The following BPTF variants were observed in gnomAD, a reference collection of about 807,000 sequenced individuals.
BPTF encodes nucleosome-remodeling factor subunit BPTF.
BPTF carries 18 observed loss-of-function variants against 292.5 expected under a neutral mutation model. That is an observed-to-expected ratio of 0.06 (90% CI 0.04 to 0.09). BPTF has a LOEUF of 0.09. Among genes scored for constraint, BPTF ranks in the 10% least tolerant of loss-of-function variants. BPTF has a pLI of 1.00. For missense variants in BPTF, 2,726 were observed against 3,498.7 expected (o/e 0.78, Z 5.57); for synonymous variants, 1,225 against 1,251.9 (o/e 0.98, Z 0.45).
intron 23 of BPTF, among the ~76,000 whole-genome samples, chr17:67,959,330 AGTT>A (rs1461248978): frequency 6.6e-6 from 1 of 152,218 alleles, no homozygotes; most frequent in Non-Finnish European, 1.5e-5. Flanking sequence ...GCAGCTTTCT[AGTT>A]GTTCTTACCT....
At chr17:67,886,083 T>G (rs991960577) in intron 4 of BPTF, 16 of 1,361,186 alleles carry the variant, frequency 1.2e-5, no homozygotes, top group Non-Finnish European at 1.6e-5. Flanking sequence ...TTCGTCATTT[T>G]TCATGTGATT....
At chr17:67,836,693 T>C (rs1316854816) in intron 1 of BPTF, among the ~76,000 whole-genome samples, 1 of 152,198 alleles carries the variant, frequency 6.6e-6, no homozygotes, top group Non-Finnish European at 1.5e-5. Flanking sequence ...AACACTCTTC[T>C]CACAGTAATC....
intron 23 of BPTF, 52 bp downstream of exon 23, chr17:67,948,358 C>G: frequency 6.8e-7 from 1 of 1,477,402 alleles, no homozygotes; most frequent in Non-Finnish European, 9.1e-7. Flanking sequence ...ATCTGAGGTT[C>G]TGCTTTTTTC....
At chr17:67,974,370 G>C (rs6416954) in intron 26 of BPTF, 142,111 of 152,090 alleles carry the variant, frequency 0.93, 67,156 homozygotes, top group East Asian at 1. Context: ...CCTCTGGTCA[G>C]CAAGAAGTGG....
At chr17:67,921,118 G>A (rs1340564474) in intron 13 of BPTF, among the ~76,000 whole-genome samples, 1 of 148,290 alleles carries the variant, frequency 6.7e-6, no homozygotes, top group Non-Finnish European at 1.5e-5. Flanking sequence ...GCTGAGGCCC[G>A]AGAATTGCTT....
At chr17:67,871,485 T>C (rs2059735052) in intron 3 of BPTF, among the ~76,000 whole-genome samples, 1 of 151,782 alleles carries the variant, frequency 6.6e-6, no homozygotes, top group Non-Finnish European at 1.5e-5. Flanking sequence ...TACTCATATA[T>C]TCATCGTATA....
At chr17:67,843,557 G>GTA (rs951015043) in intron 1 of BPTF, among the ~76,000 whole-genome samples, 2 of 147,924 alleles carry the variant, frequency 1.4e-5, no homozygotes, top group Non-Finnish European at 3.0e-5. Flanking sequence ...ATAAATATCT[G>GTA]TATATATCTA....
intron 3 of BPTF, among the ~76,000 whole-genome samples, chr17:67,870,108 T>A (rs1420929051): frequency 6.6e-6 from 1 of 151,866 alleles, no homozygotes; most frequent in African/African-American, 2.4e-5. Flanking sequence ...GAAAGTTAGA[T>A]GACTAAAATT....
Position 67,904,833 on chromosome 17 carries a change from A to C in BPTF, c.2805A>C (p.Leu935Phe), listed in dbSNP as rs771036982. 4 of 1,610,792 alleles carry C rather than the reference A, an allele frequency of 2.5e-6. No homozygotes were observed. Among genetic ancestry groups the C allele is most frequent in the Non-Finnish European group, 3.4e-6 (4 of 1,177,974 alleles). The change falls in exon 9 of 28, where the codon TTA becomes TTC. Residue 935 changes from leucine (L) to phenylalanine (F), a missense_variant. Physicochemically the swap from Leu to Phe is conservative, Grantham distance 22. This residue lies in a region of BPTF where 713 missense variants were observed against 714.9 expected (regional missense o/e 1.00). Transcript: ENST00000306378. ...CTAATGTGAATTACAGAAAGTCGTT[A>C]GAAGGAAGTAAGTAATTAAAATTAC... ...GNTNVNYRKSLEGTKNNMDEN... is the reference protein window; with the variant it reads ...GNTNVNYRKSFEGTKNNMDEN...
intron 10 of BPTF, 86 bp downstream of exon 10, chr17:67,909,847 G>T (rs1007674067): frequency 7.1e-6 from 8 of 1,128,298 alleles, no homozygotes; most frequent in Non-Finnish European, 9.5e-6. Context: ...GTACTGCGTT[G>T]TGTTTTCTTG....
In BPTF at chr17:67,982,350, A is replaced by G. The variant is rs1220091732; in HGVS notation, c.*62A>G. ...AATCTGGTTGTCTGAACTATTTTAA[A>G]TTAAGGAGCCAGATGTTTTTAGTCA... is the stretch of plus-strand genomic sequence containing the variant. On this transcript the variant is annotated 3_prime_UTR_variant, in exon 28 of 28. Coordinates refer to ENST00000306378, the MANE Select transcript of BPTF (RefSeq NM_182641.4). 3.4e-6 allele frequency: 5 copies of G among 1,477,330 alleles called. No individual in the cohort carries two copies. The highest frequency in any genetic ancestry group is 4.7e-6 in the Non-Finnish European group (5 of 1,062,344). The allele number at this position is 1,477,330 out of a possible 1,614,324, so 91.5% of individuals were successfully genotyped here.
chr17:67,911,207 T>TAACGAA lies in BPTF; in HGVS notation c.3325_3330dup (p.Thr1109_Lys1110dup). On this transcript the variant is annotated inframe_insertion, in exon 11 of 28. Transcript: ENST00000306378. ...AAAAATCTCTCTGAATCACCAGTAA[T>TAACGAA]AACGAAAGCAAAAGAAGGGTGTCAG... 1 of 1,613,844 alleles carries TAACGAA rather than the reference T, an allele frequency of 6.2e-7. No individual in the cohort carries two copies. Among genetic ancestry groups the TAACGAA allele is most frequent in the Non-Finnish European group, 8.5e-7 (1 of 1,179,948 alleles).
At chr17:67,889,178 T>C (rs1302472787) in intron 4 of BPTF, among the ~76,000 whole-genome samples, 2 of 152,146 alleles carry the variant, frequency 1.3e-5, no homozygotes, top group African/African-American at 4.8e-5. Flanking sequence ...TGCTTTATAA[T>C]AGGAGGAATA....
At chr17:67,832,788 T>G (rs1462255520) in intron 1 of BPTF, among the ~76,000 whole-genome samples, 3 of 136,682 alleles carry the variant, frequency 2.2e-5, no homozygotes, top group Non-Finnish European at 4.6e-5. Context: ...CGCCTCTTTT[T>G]TTTTTTTTTT....
At chr17:67,857,118 T>A (rs992351948) in intron 2 of BPTF, among the ~76,000 whole-genome samples, 2 of 151,536 alleles carry the variant, frequency 1.3e-5, no homozygotes, top group Non-Finnish European at 2.9e-5. Flanking sequence ...ATGTCTCCCC[T>A]ACTTTATCCT....
At chr17:67,948,417 T>C in intron 23 of BPTF, 111 bp downstream of exon 23, 14 of 960,180 alleles carry the variant, frequency 1.5e-5, no homozygotes, top group Non-Finnish European at 2.1e-5. Flanking sequence ...TTCTAGAACT[T>C]ACATTTGTGT....
At chr17:67,959,467 G>T (rs1164310769) in intron 23 of BPTF, 74 bp from the exon 24 acceptor site, 1 of 1,230,996 alleles carries the variant, frequency 8.1e-7, no homozygotes, top group African/African-American at 1.5e-5. Flanking sequence ...AGTGGGTAGT[G>T]TACCATCTTC....
chr17:67,905,704 A>C (rs1262358338), intron 9 of BPTF, among the ~76,000 whole-genome samples: 2 of 152,040 alleles, frequency 1.3e-5, no homozygotes, highest in African/African-American at 4.8e-5. Context: ...ACCAGACTCA[A>C]TCTCTTAAAA....
intron 25 of BPTF, chr17:67,966,037 AGAGC>A (rs1568203891): frequency 6.4e-6 from 1 of 155,214 alleles, no homozygotes. Context: ...CCTGAATGAC[AGAGC>A]GAGACCCTGT....
Sources: gnomAD v4.1 joint callset for allele counts (sites outside exome capture counted in the v4.1 genomes callset) on GRCh38, gnomAD v4.1.1 for gene constraint, gnomAD v4.1.1 regional missense constraint, MANE v1.5 for transcripts, NCBI Gene and HGNC (gene_info 2026-07-23, HGNC 2026-07-21) for gene names.